Variants in CADPS2 observed in about 807,000 individuals in gnomAD.
The protein encoded by CADPS2 is calcium-dependent secretion activator 2.
CADPS2 carries 93 observed loss-of-function variants against 172.5 expected under a neutral mutation model. The ratio of observed to expected loss-of-function variants is 0.54; its 90% CI spans 0.46 to 0.64. The LOEUF is 0.64. Ranked by LOEUF, CADPS2 falls within the 30% of genes least tolerant of loss-of-function variation. The pLI is 0.00. For synonymous variants in CADPS2, 546 were observed against 555.2 expected (o/e 0.98, Z 0.23); for missense variants, 1,420 against 1,565.9 (o/e 0.91, Z 1.57).
intron 2 of CADPS2, among the ~76,000 whole-genome samples, chr7:122,705,262 C>CAG (rs1176218050): frequency 1.3e-5 from 2 of 150,890 alleles, no homozygotes; most frequent in Non-Finnish European, 1.5e-5. Context: ...GACTGGGAGA[C>CAG]AGAGAGAGAG....
Position 122,726,718 on chromosome 7 carries a change from A to T in CADPS2, c.453+10237T>A, listed in dbSNP as rs192575665. Among the ~76,000 whole-genome samples, 10 of 151,800 alleles carry T rather than the reference A, an allele frequency of 6.6e-5. No individual in the cohort carries two copies. The East Asian group carries it at 9.7e-4, about 15-fold the overall frequency. ...GGATTATTTACTCTTAAAAACTTTT[A>T]AAAAAGAACATAAAAGAAAATTGTA... On this transcript the variant is annotated intron_variant, in intron 2 of 29. Transcript: ENST00000449022.
In CADPS2 at chr7:122,605,081, T is replaced by C. The variant is rs548282882; in HGVS notation, c.1223+10100A>G. ...TAACACAAAGGTAAGTATGTGTATT[T>C]CTAAACATATTTAAACATAGAAAAG... On this transcript the variant is annotated intron_variant, in intron 6 of 29. Coordinates refer to ENST00000449022, the MANE Select transcript of CADPS2 (RefSeq NM_017954.11). Among the ~76,000 whole-genome samples, 8 of 152,272 alleles carry C rather than the reference T, an allele frequency of 5.3e-5. No homozygotes were observed. The East Asian group carries it at 1.5e-3, about 29-fold the overall frequency.
At chr7:122,830,343 C>T (rs1490591554) in intron 1 of CADPS2, among the ~76,000 whole-genome samples, 3 of 151,802 alleles carry the variant, frequency 2.0e-5, no homozygotes, top group Admixed American at 1.3e-4. Context: ...CATTCATTGA[C>T]ACTGCAACAA....
chr7:122,761,248 C>T (rs1179806792), intron 1 of CADPS2, among the ~76,000 whole-genome samples: 2 of 152,122 alleles, frequency 1.3e-5, no homozygotes, highest in African/African-American at 4.8e-5. Flanking sequence ...ATTAAGTGAA[C>T]GTTTCCATAC....
intron 1 of CADPS2, chr7:122,850,285 C>G (rs1813193898): frequency 1.5e-6 from 1 of 670,098 alleles, no homozygotes; most frequent in East Asian, 3.5e-5. Context: ...TCCCCAGCAG[C>G]CTCCTTTCAG....
At chr7:122,661,431 A>G (rs890516652) in intron 3 of CADPS2, among the ~76,000 whole-genome samples, 1 of 152,188 alleles carries the variant, frequency 6.6e-6, no homozygotes, top group African/African-American at 2.4e-5. Context: ...TCATAGGAAC[A>G]TGGAAATATA....
At chr7:122,844,574 G>A (rs1000823091) in intron 1 of CADPS2, among the ~76,000 whole-genome samples, 2 of 152,194 alleles carry the variant, frequency 1.3e-5, no homozygotes, top group East Asian at 3.9e-4. Flanking sequence ...TATTTTAGAA[G>A]ACTGGCACTC....
At chr7:122,696,030 G>T (rs2085035479) in intron 2 of CADPS2, among the ~76,000 whole-genome samples, 1 of 152,176 alleles carries the variant, frequency 6.6e-6, no homozygotes, top group Non-Finnish European at 1.5e-5. Flanking sequence ...CACTACAGAT[G>T]CATTCATTGT....
intron 1 of CADPS2, among the ~76,000 whole-genome samples, chr7:122,814,177 T>C (rs1800741823): frequency 6.9e-6 from 1 of 144,866 alleles, no homozygotes; most frequent in Admixed American, 7.0e-5. Context: ...TGGTAAGAAT[T>C]TGGAAGGGAA....
At chr7:122,567,200 T>C (rs574276732) in intron 7 of CADPS2, among the ~76,000 whole-genome samples, 2 of 152,254 alleles carry the variant, frequency 1.3e-5, no homozygotes, top group South Asian at 4.2e-4. Context: ...TAAACTAATT[T>C]ATCTAGTAGC....
intron 3 of CADPS2, 113 bp downstream of exon 3, chr7:122,663,124 C>T: frequency 1.2e-6 from 1 of 826,794 alleles, no homozygotes; most frequent in Non-Finnish European, 1.9e-6. Context: ...TTTTGCTCAA[C>T]TTTCCAAGTA....
intron 27 of CADPS2, among the ~76,000 whole-genome samples, chr7:122,346,155 C>T (rs2037621645): frequency 6.6e-6 from 1 of 151,720 alleles, no homozygotes; most frequent in South Asian, 2.1e-4. Context: ...TCGCTTGGGC[C>T]CAGGAGTTCA....
intron 3 of CADPS2, among the ~76,000 whole-genome samples, chr7:122,645,444 CACACACATAT>C (rs1563949448): frequency 1.7e-4 from 12 of 71,878 alleles, no homozygotes; most frequent in Non-Finnish European, 3.8e-4. Context: ...TGTATATATA[CACACACATAT>C]GTATATATGT....
rs1424068259 is a variant in CADPS2 at position 122,686,665 on chromosome 7, G to C, written c.454-23096C>G. Among the ~76,000 whole-genome samples, 8 of 152,296 alleles carry C rather than the reference G, an allele frequency of 5.3e-5. No homozygotes were observed. The East Asian group carries it at 1.4e-3, about 26-fold the overall frequency. ...AGGTGGTCTGATGTAAAAGGCACAT[G>C]TTCTTTTTGAAAAGTAACTATGCTC... On this transcript the variant is annotated intron_variant, in intron 2 of 29. Transcript: ENST00000449022.
chr7:122,431,435 G>C (rs1359806833), intron 17 of CADPS2, among the ~76,000 whole-genome samples: 1 of 152,026 alleles, frequency 6.6e-6, no homozygotes, highest in Non-Finnish European at 1.5e-5. Context: ...AAATCTTCTG[G>C]ACTGGGGGTA....
At chr7:122,593,779 G>A (rs2071292762) in intron 6 of CADPS2, among the ~76,000 whole-genome samples, 1 of 151,876 alleles carries the variant, frequency 6.6e-6, no homozygotes, top group African/African-American at 2.4e-5. Flanking sequence ...ACATGGCAAA[G>A]GAGAAAGAGA....
chr7:122,605,398 GTCAT>G (rs1489965965), intron 6 of CADPS2, among the ~76,000 whole-genome samples: 1 of 152,034 alleles, frequency 6.6e-6, no homozygotes, highest in Non-Finnish European at 1.5e-5. Flanking sequence ...TATTGGACTG[GTCAT>G]TCATATATGC....
intron 28 of CADPS2, among the ~76,000 whole-genome samples, chr7:122,337,322 G>T (rs1180326882): frequency 6.6e-6 from 1 of 152,182 alleles, no homozygotes; most frequent in Admixed American, 6.5e-5. Flanking sequence ...CATATGTCCA[G>T]GTGCCTCATG....
chr7:122,572,547 T>A (rs1268839238), intron 7 of CADPS2, among the ~76,000 whole-genome samples: 1 of 152,116 alleles, frequency 6.6e-6, no homozygotes, highest in Non-Finnish European at 1.5e-5. Context: ...CCTCCAAAAA[T>A]TTTTTTGTAC....
Sources: gnomAD v4.1 joint callset for allele counts (sites outside exome capture counted in the v4.1 genomes callset) on GRCh38, gnomAD v4.1.1 for gene constraint, MANE v1.5 for transcripts, NCBI Gene and HGNC (gene_info 2026-07-23, HGNC 2026-07-21) for gene names.